Variants in NINL observed in about 807,000 individuals in gnomAD.
NINL encodes the protein ninein like.
Under a neutral mutation model 160.3 loss-of-function variants are expected in NINL, and 153 were observed. The ratio of observed to expected loss-of-function variants is 0.95; its 90% CI spans 0.84 to 1.09. The LOEUF (loss-of-function observed/expected upper bound fraction) is 1.09, where lower values mean the gene tolerates loss of function less well. NINL is among the 50% of genes least tolerant of loss of function. The probability of loss-of-function intolerance (pLI) is 0.00; values close to 1 mark genes in which losing one functional copy is unlikely to be tolerated. For synonymous variants in NINL, 800 were observed against 734.8 expected (o/e 1.09, Z -1.43); for missense variants, 1,829 against 1,764.0 (o/e 1.04, Z -0.66).
chr20:25,497,234 G>C (rs116889249), intron 9 of NINL, among the ~76,000 whole-genome samples: 1 of 152,242 alleles, frequency 6.6e-6, no homozygotes, highest in Non-Finnish European at 1.5e-5. Context: ...ATCCCAGCAC[G>C]CTAGTGAGCA....
chr20:25,457,748 T>C (rs2090725695), intron 22 of NINL, among the ~76,000 whole-genome samples: 1 of 152,222 alleles, frequency 6.6e-6, no homozygotes. Context: ...GAGTGAGTTA[T>C]TCTCTCAGAC....
intron 1 of NINL, among the ~76,000 whole-genome samples, chr20:25,561,956 AG>A (rs1482664587): frequency 1.8e-4 from 25 of 137,394 alleles, no homozygotes; most frequent in African/African-American, 7.0e-4. Context: ...GTGGGGGGTC[AG>A]CCCCCCACCC....
rs779899157 is a variant in NINL, at chr20:25,489,902, C to T, written c.1569G>A (p.Lys523=). 4.3e-6 allele frequency: 7 copies of T among 1,614,110 alleles called. No individual in the cohort carries two copies. Among genetic ancestry groups the T allele is most frequent in the African/African-American group, 1.3e-5 (1 of 74,952 alleles). ...DSERLALKLQ[K]DLEFVLKDKL... is the part of the protein sequence containing the mutation. Reference sequence around the variant, plus strand: ...TGTCCTTCAGCACAAACTCCAGGTCCTTCTGCAGCTTCAGGGCCAGCCTCT... The same window carrying T: ...TGTCCTTCAGCACAAACTCCAGGTCTTTCTGCAGCTTCAGGGCCAGCCTCT... The change falls in exon 12 of 24, where the codon AAG becomes AAA. Residue 523 remains lysine (K), a synonymous_variant. Coordinates refer to ENST00000278886, the MANE Select transcript of NINL (RefSeq NM_025176.6).
At chr20:25,561,151 C>T (rs976582910) in intron 1 of NINL, among the ~76,000 whole-genome samples, 7 of 152,136 alleles carry the variant, frequency 4.6e-5, no homozygotes, top group Admixed American at 1.3e-4. Context: ...ATTCTCCTGC[C>T]TCAGCCTGCC....
At chr20:25,487,865 G>A (rs914756794) in intron 13 of NINL, among the ~76,000 whole-genome samples, 1 of 152,238 alleles carries the variant, frequency 6.6e-6, no homozygotes, top group Admixed American at 6.5e-5. Flanking sequence ...CAGCTCGTCT[G>A]CAAGGCGGCC....
chr20:25,547,254 C>G (rs1029651173), intron 1 of NINL, among the ~76,000 whole-genome samples: 1 of 152,168 alleles, frequency 6.6e-6, no homozygotes, highest in Non-Finnish European at 1.5e-5. Context: ...AATCCCACCC[C>G]CAGCCTCCAG....
chr20:25,530,722 T>G (rs151302894), intron 1 of NINL, among the ~76,000 whole-genome samples: 5,763 of 152,110 alleles, frequency 0.038, 139 homozygotes, highest in Non-Finnish European at 0.06. Context: ...TTTTTATTAG[T>G]GATTTTCAAA....
chr20:25,534,430 G>A (rs1419787413), intron 1 of NINL, among the ~76,000 whole-genome samples: 1 of 152,146 alleles, frequency 6.6e-6, no homozygotes, highest in African/African-American at 2.4e-5. Flanking sequence ...ACTTAACAAT[G>A]GTGATAAGTT....
chr20:25,562,896 G>A (rs1017746150), intron 1 of NINL, among the ~76,000 whole-genome samples: 1 of 152,222 alleles, frequency 6.6e-6, no homozygotes, highest in African/African-American at 2.4e-5. Flanking sequence ...GGCTGGGCAT[G>A]ATGGCTCACA....
At position 25,476,126 on chromosome 20, in the gene NINL, C is replaced by T; in HGVS notation, c.3165G>A (p.Lys1055=). 2 of 1,612,676 alleles carry T rather than the reference C, an allele frequency of 1.2e-6. No homozygotes were observed. Among genetic ancestry groups the T allele is most frequent in the Non-Finnish European group, 1.7e-6 (2 of 1,178,828 alleles). The change falls in exon 17 of 24, where the codon AAG becomes AAA. Residue 1055 remains lysine (K), a synonymous_variant. Transcript: ENST00000278886. ...GETKIALERE[K]DDMETKLLHL... is the part of the protein sequence containing the mutation. ...GTAGAAGTTTGGTTTCCATGTCATC[C>T]TTCTCTCTCTCCAGCGCTATTTTGG...
chr20:25,585,509 C>A lies in NINL; in HGVS notation c.-66G>T, dbSNP rs753417513. The A allele has an allele frequency of 6.6e-6, 1 of 152,226 alleles. No individual in the cohort carries two copies. The highest frequency in any genetic ancestry group is 1.5e-5 in the Non-Finnish European group (1 of 68,046). The allele number at this position is 152,226 out of a possible 1,614,324, so 9.4% of individuals were successfully genotyped here. A position where few individuals can be genotyped will look rare whatever the true frequency, so the allele number is the denominator to read the frequency against. ...CGGGGCCAGGAGCGCGGCACCACCC[C>A]CGTACCGCCGGCCGCTCTTTGTGTC... On this transcript the variant is annotated 5_prime_UTR_variant, in exon 1 of 24. Coordinates refer to ENST00000278886, the MANE Select transcript of NINL (RefSeq NM_025176.6).
intron 19 of NINL, among the ~76,000 whole-genome samples, chr20:25,464,443 AAC>A (rs769932941): frequency 2.3e-4 from 35 of 149,732 alleles, no homozygotes; most frequent in Admixed American, 4.7e-4. Flanking sequence ...CAAACAAACA[AAC>A]ACACAACAAA....
chr20:25,578,334 C>T (rs1021802349), intron 1 of NINL, among the ~76,000 whole-genome samples: 4 of 151,760 alleles, frequency 2.6e-5, no homozygotes, highest in Admixed American at 1.3e-4. Flanking sequence ...TCTCAAATTC[C>T]TGACCTCAAG....
At chr20:25,555,866 G>C (rs1438831720) in intron 1 of NINL, among the ~76,000 whole-genome samples, 1 of 152,064 alleles carries the variant, frequency 6.6e-6, no homozygotes, top group African/African-American at 2.4e-5. Context: ...GTAGAGACAG[G>C]GTTTCACCAC....
At chr20:25,495,764 C>T (rs1226705501) in intron 10 of NINL, among the ~76,000 whole-genome samples, 3 of 152,236 alleles carry the variant, frequency 2.0e-5, no homozygotes, top group African/African-American at 7.2e-5. Context: ...CCTCTCCCTG[C>T]CTGAGCCTGG....
chr20:25,526,010 T>C (rs867074793), intron 2 of NINL, among the ~76,000 whole-genome samples: 9 of 152,340 alleles, frequency 5.9e-5, no homozygotes, highest in South Asian at 2.1e-4. Context: ...AACTGTGAAA[T>C]TGTGTAAGAC....
At chr20:25,529,964 G>A (rs975695483) in intron 1 of NINL, among the ~76,000 whole-genome samples, 8 of 152,214 alleles carry the variant, frequency 5.3e-5, no homozygotes, top group Non-Finnish European at 1.2e-4. Context: ...AGGGGAGCAG[G>A]ATGCCTCCAG....
At position 25,462,496 on chromosome 20, in the gene NINL, G is replaced by A; in HGVS notation, c.3469C>T (p.Leu1157Phe). ...GTAGAAGCCTCCTGTCCCAGTTGAA[G>A]AACCCTGACATTGAGCTGGGATAAT... ...DQLSQLNVRV[L>F]QLGQEASTHQ... Residue 1157 changes from leucine (L) to phenylalanine (F), a missense_variant, in exon 20 of 24, where the codon CTT becomes TTT. By Grantham distance (22) the Leu-to-Phe change is conservative. Coordinates refer to ENST00000278886, the MANE Select transcript of NINL (RefSeq NM_025176.6). The A allele has an allele frequency of 6.2e-7, 1 of 1,614,226 alleles. No homozygotes were observed. Among genetic ancestry groups the A allele is most frequent in the Non-Finnish European group, 8.5e-7 (1 of 1,180,028 alleles).
chr20:25,537,955 C>T (rs550266280), intron 1 of NINL, among the ~76,000 whole-genome samples: 1 of 152,324 alleles, frequency 6.6e-6, no homozygotes, highest in Admixed American at 6.5e-5. Flanking sequence ...CCCGCTTTCT[C>T]AGGGACCCAG....
Sources: allele counts gnomAD v4.1 joint callset (sites outside exome capture counted in the v4.1 genomes callset), GRCh38; gene constraint gnomAD v4.1.1; transcripts MANE v1.5; gene names NCBI Gene and HGNC (gene_info 2026-07-23, HGNC 2026-07-21).